Variants in BMPR1B observed in about 807,000 individuals in gnomAD.
The protein encoded by BMPR1B is bone morphogenetic protein receptor type-1B.
In BMPR1B, 12 loss-of-function variants were observed where a neutral mutation model predicts 59.1. The ratio of observed to expected loss-of-function variants is 0.20; its 90% CI spans 0.13 to 0.33. The LOEUF (loss-of-function observed/expected upper bound fraction) is 0.33. Ranked by LOEUF, BMPR1B falls within the 10% of genes least tolerant of loss-of-function variation. BMPR1B has a pLI of 1.00. For missense variants in BMPR1B, 550 were observed against 610.9 expected, an observed-to-expected ratio of 0.90 and a Z score of 1.05; for synonymous variants, 237 against 207.3, an observed-to-expected ratio of 1.14 and a Z score of -1.23.
chr4:95,154,446 T>C (rs1330569515), intron 12 of BMPR1B, 102 bp from the exon 13 acceptor site: 4 of 1,539,036 alleles, frequency 2.6e-6, no homozygotes, highest in Non-Finnish European at 3.6e-6. Flanking sequence ...GGGTACCTTT[T>C]AAAAATATAT....
chr4:94,911,706 A>G (rs1335814167), intron 2 of BMPR1B, among the ~76,000 whole-genome samples: 1 of 152,188 alleles, frequency 6.6e-6, no homozygotes, highest in African/African-American at 2.4e-5. Flanking sequence ...AAAGTTGGAG[A>G]TATTACAATC....
intron 3 of BMPR1B, among the ~76,000 whole-genome samples, chr4:95,080,525 C>T (rs935015636): frequency 7.2e-5 from 11 of 152,270 alleles, no homozygotes; most frequent in African/African-American, 2.4e-4. Context: ...CGTGAGCCAC[C>T]ACACCTGGCC....
intron 6 of BMPR1B, among the ~76,000 whole-genome samples, chr4:95,120,914 T>A (rs1311023338): frequency 6.6e-6 from 1 of 151,906 alleles, no homozygotes; most frequent in Admixed American, 6.6e-5. Flanking sequence ...GTTCAAGCAA[T>A]TCTCCCGACT....
At chr4:94,900,235 A>T (rs1217736071) in intron 2 of BMPR1B, among the ~76,000 whole-genome samples, 1 of 151,774 alleles carries the variant, frequency 6.6e-6, no homozygotes, top group Non-Finnish European at 1.5e-5. Flanking sequence ...AATCTGCTTC[A>T]GTGCTGGCTT....
At chr4:95,083,037 CAAA>C (rs1171888403) in intron 3 of BMPR1B, among the ~76,000 whole-genome samples, 2 of 60,624 alleles carry the variant, frequency 3.3e-5, no homozygotes, top group Admixed American at 2.5e-4. Context: ...TACTCTGTCT[CAAA>C]AAAAAAAAAA....
chr4:94,896,088 T>C (rs1727574619), intron 2 of BMPR1B, among the ~76,000 whole-genome samples: 1 of 152,060 alleles, frequency 6.6e-6, no homozygotes. Context: ...TTCAATGACG[T>C]ACTCCTAGTT....
At chr4:94,841,372 C>T (rs1167274600) in intron 1 of BMPR1B, among the ~76,000 whole-genome samples, 6 of 150,620 alleles carry the variant, frequency 4.0e-5, no homozygotes, top group South Asian at 4.2e-4. Flanking sequence ...TCGCTGCCGC[C>T]TTGCAGTTTG....
chr4:95,105,474 G>A (rs982738692), intron 4 of BMPR1B, among the ~76,000 whole-genome samples: 6 of 151,652 alleles, frequency 4.0e-5, no homozygotes, highest in East Asian at 1.9e-4. Context: ...TGAGTTGAAT[G>A]CTTTTTTTTT....
chr4:94,954,836 T>C (rs943326534), intron 2 of BMPR1B, among the ~76,000 whole-genome samples: 4 of 152,212 alleles, frequency 2.6e-5, no homozygotes, highest in African/African-American at 9.6e-5. Flanking sequence ...ACCCAATATA[T>C]ATTAGCTGTT....
At chr4:95,123,956 T>C in intron 7 of BMPR1B, 50 bp downstream of exon 7, 3 of 1,292,834 alleles carry the variant, frequency 2.3e-6, no homozygotes, top group Non-Finnish European at 3.4e-6. Flanking sequence ...AGTGTCTTCT[T>C]TTTACTAATA....
chr4:95,022,304 T>C (rs1354439656), intron 3 of BMPR1B, among the ~76,000 whole-genome samples: 1 of 152,214 alleles, frequency 6.6e-6, no homozygotes, highest in Non-Finnish European at 1.5e-5. Context: ...TTCGAAAATA[T>C]CTTTTTGTGC....
At position 94,790,339 on chromosome 4, in the gene BMPR1B, CTGT is replaced by C. The variant is rs895030143; in HGVS notation, c.-183+32281_-183+32283del. 4.6e-5 allele frequency among the ~76,000 whole-genome samples: 7 copies of C among 152,108 alleles called. No homozygotes were observed. In the South Asian group the frequency reaches 8.3e-4, roughly 18 times the overall value. On this transcript the variant is annotated intron_variant, in intron 1 of 12. Transcript: ENST00000515059. ...TAAAGTTAACCAGTGTGAGTTATTA[CTGT>C]TGTTGTTGTAACATGGTGGACTAAC...
chr4:94,848,938 G>A (rs72669081), intron 1 of BMPR1B, among the ~76,000 whole-genome samples: 31,770 of 152,172 alleles, frequency 0.21, 3,504 homozygotes, highest in African/African-American at 0.24. Flanking sequence ...AAGGCTGAGA[G>A]GGACTGAGAG....
chr4:95,032,493 A>C (rs13134763), intron 3 of BMPR1B, among the ~76,000 whole-genome samples: 28,282 of 152,030 alleles, frequency 0.19, 3,126 homozygotes, highest in East Asian at 0.44. Flanking sequence ...TTCAGTCCAT[A>C]ACATTCTTTA....
intron 3 of BMPR1B, among the ~76,000 whole-genome samples, chr4:95,088,757 T>C (rs1027852141): frequency 1.4e-4 from 21 of 152,038 alleles, no homozygotes; most frequent in Admixed American, 9.8e-4. Flanking sequence ...CTATTCATTT[T>C]GAAAGGCCAT....
chr4:95,067,794 C>T (rs1056359396), intron 3 of BMPR1B, among the ~76,000 whole-genome samples: 4 of 152,024 alleles, frequency 2.6e-5, no homozygotes, highest in Non-Finnish European at 5.9e-5. Flanking sequence ...TGTCTTCAAA[C>T]GTTGTGAAAT....
chr4:94,918,044 A>G (rs34060887), intron 2 of BMPR1B, among the ~76,000 whole-genome samples: 1,735 of 152,174 alleles, frequency 0.011, 11 homozygotes, highest in Non-Finnish European at 0.019. Flanking sequence ...CATGAGTAAA[A>G]GTTCCCTGAG....
At chr4:95,109,776 A>G (rs1202885964) in intron 4 of BMPR1B, among the ~76,000 whole-genome samples, 2 of 151,632 alleles carry the variant, frequency 1.3e-5, no homozygotes, top group African/African-American at 2.4e-5. Context: ...TTACATATGT[A>G]TACAACATGT....
intron 4 of BMPR1B, among the ~76,000 whole-genome samples, chr4:95,112,204 T>C (rs1250159399): frequency 2.6e-5 from 4 of 152,148 alleles, no homozygotes; most frequent in Non-Finnish European, 5.9e-5. Context: ...TGTTTAAAAT[T>C]ATTTCCACTT....
Sources: gnomAD v4.1 joint callset for allele counts (sites outside exome capture counted in the v4.1 genomes callset) on GRCh38, gnomAD v4.1.1 for gene constraint, MANE v1.5 for transcripts, NCBI Gene and HGNC (gene_info 2026-07-23, HGNC 2026-07-21) for gene names.